The following CACNA2D3 variants were observed in gnomAD, a reference collection of about 807,000 sequenced individuals.
CACNA2D3 encodes the protein voltage-dependent calcium channel subunit alpha-2/delta-3.
A neutral mutation model predicts 160.6 loss-of-function variants in CACNA2D3; 60 were observed. The ratio of observed to expected loss-of-function variants is 0.37; its 90% CI spans 0.30 to 0.46. CACNA2D3 has a LOEUF of 0.46. Among genes scored for constraint, CACNA2D3 ranks in the 20% least tolerant of loss-of-function variants. CACNA2D3 has a pLI of 1.00. For missense variants in CACNA2D3, 1,205 were observed against 1,365.0 expected (o/e 0.88, Z 1.85); for synonymous variants, 558 against 492.9 (o/e 1.13, Z -1.75).
chr3:54,166,498 A>G (rs1305032727), intron 2 of CACNA2D3, among the ~76,000 whole-genome samples: 3 of 152,210 alleles, frequency 2.0e-5, no homozygotes, highest in Non-Finnish European at 4.4e-5. Flanking sequence ...ATTTCAAGAT[A>G]CAGGAGTTTG....
At chr3:54,125,638 G>T (rs764609257) in intron 2 of CACNA2D3, among the ~76,000 whole-genome samples, 100 of 152,242 alleles carry the variant, frequency 6.6e-4, no homozygotes, top group Non-Finnish European at 1.3e-3. Context: ...CATAAGTGGT[G>T]GGGGAGCATG....
In CACNA2D3 at chr3:54,662,085, G is replaced by T. The variant is rs182403144; in HGVS notation, c.1167+19844G>T. The stretch of plus-strand genomic sequence containing the variant: ...TAAATTACATAAGGGCAGATATCAT[G>T]TTCCTCTGGGTCACCAGTGGATGCC... On this transcript the variant is annotated intron_variant, in intron 11 of 37. Transcript: ENST00000474759. Among the ~76,000 whole-genome samples the T allele has an allele frequency of 1.1e-3, 170 of 152,188 alleles. 1 individual carries two copies. The highest frequency in any genetic ancestry group is 4.0e-3 in the African/African-American group (166 of 41,532).
intron 2 of CACNA2D3, among the ~76,000 whole-genome samples, chr3:54,194,940 T>C (rs1023424586): frequency 1.3e-5 from 2 of 152,174 alleles, no homozygotes; most frequent in African/African-American, 4.8e-5. Flanking sequence ...AACACTTAGG[T>C]CTTCTGTGAA....
chr3:54,280,849 A>G (rs550229436), intron 2 of CACNA2D3, among the ~76,000 whole-genome samples: 1 of 152,230 alleles, frequency 6.6e-6, no homozygotes, highest in East Asian at 1.9e-4. Flanking sequence ...CCTCTGGGAA[A>G]TGCCTTTAAT....
At chr3:54,736,024 C>CACACAT (rs1559563483) in intron 11 of CACNA2D3, among the ~76,000 whole-genome samples, 1 of 65,278 alleles carries the variant, frequency 1.5e-5, no homozygotes, top group African/African-American at 7.2e-5. Flanking sequence ...TATACACATA[C>CACACAT]ATATATATAT....
At chr3:54,321,723 T>G (rs962571732) in intron 3 of CACNA2D3, among the ~76,000 whole-genome samples, 6 of 152,162 alleles carry the variant, frequency 3.9e-5, no homozygotes, top group Non-Finnish European at 8.8e-5. Flanking sequence ...CCGCATTCTT[T>G]ACTGCCGCCT....
chr3:54,712,033 A>G (rs779033067), intron 11 of CACNA2D3, among the ~76,000 whole-genome samples: 8 of 152,214 alleles, frequency 5.3e-5, no homozygotes, highest in Non-Finnish European at 8.8e-5. Context: ...AAGGCCTACT[A>G]TTATAAGAGG....
At chr3:54,342,154 T>C (rs1698366494) in intron 3 of CACNA2D3, among the ~76,000 whole-genome samples, 1 of 152,220 alleles carries the variant, frequency 6.6e-6, no homozygotes, top group Non-Finnish European at 1.5e-5. Context: ...GTAAAAGTAC[T>C]ATAGCAGTAG....
At chr3:54,775,931 T>C (rs572205669) in intron 13 of CACNA2D3, among the ~76,000 whole-genome samples, 1 of 152,150 alleles carries the variant, frequency 6.6e-6, no homozygotes, top group Non-Finnish European at 1.5e-5. Context: ...CTTCTTCCTT[T>C]GTTCTTTTTT....
chr3:54,827,770 C>T (rs1378564127), intron 14 of CACNA2D3, among the ~76,000 whole-genome samples: 1 of 152,174 alleles, frequency 6.6e-6, no homozygotes, highest in African/African-American at 2.4e-5. Flanking sequence ...TTCTTTACTC[C>T]CTGGGCCTCA....
chr3:54,572,400 C>T (rs1702514850), intron 8 of CACNA2D3, among the ~76,000 whole-genome samples: 1 of 152,216 alleles, frequency 6.6e-6, no homozygotes, highest in South Asian at 2.1e-4. Context: ...TCACTGTGTG[C>T]AAGTCAGTTG....
chr3:54,558,018 G>A (rs376846141), intron 5 of CACNA2D3, among the ~76,000 whole-genome samples: 1 of 152,352 alleles, frequency 6.6e-6, no homozygotes, highest in African/African-American at 2.4e-5. Context: ...CTCTAGAGCT[G>A]TGTAGGTGGA....
rs149887527 is a variant in CACNA2D3, at chr3:54,492,907, G to A, written c.382-10585G>A. 8.4e-3 allele frequency among the ~76,000 whole-genome samples: 1,284 copies of A among 152,234 alleles called. 14 individuals carry two copies. Among genetic ancestry groups the A allele is most frequent in the Non-Finnish European group, 0.015 (995 of 68,028 alleles). ...GCACGGAGTGAGCCCAGAGAGAATG[G>A]AATGCCCAGAGAGAATATGCTACTT... On this transcript the variant is annotated intron_variant, in intron 4 of 37. Coordinates refer to ENST00000474759, the MANE Select transcript of CACNA2D3 (RefSeq NM_018398.3).
rs969132041 is a variant in CACNA2D3, at chr3:55,027,713, G to T, written c.2987+9396G>T. 2.9e-4 allele frequency among the ~76,000 whole-genome samples: 44 copies of T among 151,988 alleles called. 1 individual carries two copies. Among genetic ancestry groups the T allele is most frequent in the African/African-American group, 1.0e-3 (43 of 41,248 alleles). Reference sequence around the variant, plus strand: ...TTTGGCCAGGAGTGCGCTGGAAATTGAGTTTGGTGAAAATTATAGTATTTC... The same window carrying T: ...TTTGGCCAGGAGTGCGCTGGAAATTTAGTTTGGTGAAAATTATAGTATTTC... On this transcript the variant is annotated intron_variant, in intron 35 of 37. Coordinates refer to ENST00000474759, the MANE Select transcript of CACNA2D3 (RefSeq NM_018398.3).
At chr3:55,051,386 GC>G (rs1440017454) in intron 35 of CACNA2D3, among the ~76,000 whole-genome samples, 2 of 134,436 alleles carry the variant, frequency 1.5e-5, no homozygotes, top group Non-Finnish European at 3.0e-5. Flanking sequence ...GTGTGCCCCT[GC>G]TGGGGGGGTG....
chr3:54,863,321 C>T (rs1699332843), intron 17 of CACNA2D3, among the ~76,000 whole-genome samples: 1 of 152,152 alleles, frequency 6.6e-6, no homozygotes, highest in African/African-American at 2.4e-5. Context: ...GCATGCCCAT[C>T]TGTGTGTGTT....
At position 54,603,877 on chromosome 3, in the gene CACNA2D3, T is replaced by TA. The variant is rs140319667; in HGVS notation, c.963+22011dup. Among the ~76,000 whole-genome samples, 566 of 147,486 alleles carry TA rather than the reference T, an allele frequency of 3.8e-3. 5 individuals carry two copies. Among genetic ancestry groups the TA allele is most frequent in the Non-Finnish European group, 4.6e-3 (305 of 66,512 alleles). ...ATCATTTTATTAGATATGCATGCTT[T>TA]AAAAAAAAAAAGTTTAACTTATCTA... On this transcript the variant is annotated intron_variant, in intron 9 of 37. Coordinates refer to ENST00000474759, the MANE Select transcript of CACNA2D3 (RefSeq NM_018398.3).
At chr3:54,303,548 A>G (rs1703526777) in intron 2 of CACNA2D3, among the ~76,000 whole-genome samples, 1 of 152,192 alleles carries the variant, frequency 6.6e-6, no homozygotes, top group Non-Finnish European at 1.5e-5. Flanking sequence ...TATGAAATGT[A>G]TGACTGGAGT....
chr3:54,614,893 A>G (rs1354394002), intron 9 of CACNA2D3, among the ~76,000 whole-genome samples: 2 of 152,208 alleles, frequency 1.3e-5, no homozygotes, highest in Non-Finnish European at 2.9e-5. Flanking sequence ...ACATTTGGAA[A>G]CATATAATAT....
Sources: gnomAD v4.1 joint callset for allele counts (sites outside exome capture counted in the v4.1 genomes callset) on GRCh38, gnomAD v4.1.1 for gene constraint, MANE v1.5 for transcripts, NCBI Gene and HGNC (gene_info 2026-07-23, HGNC 2026-07-21) for gene names.